The following TRANK1 variants were observed in gnomAD, a reference collection of about 807,000 sequenced individuals.
The protein encoded by TRANK1 is TPR and ankyrin repeat-containing protein 1.
TRANK1 carries 198 observed loss-of-function variants against 266.0 expected under a neutral mutation model. That is an observed-to-expected ratio of 0.74 (90% CI 0.66 to 0.84). The LOEUF is 0.84. Among genes scored for constraint, TRANK1 ranks in the 40% least tolerant of loss-of-function variants. The probability of loss-of-function intolerance (pLI) is 0.00; values close to 1 mark genes in which losing one functional copy is unlikely to be tolerated. For missense variants in TRANK1, 3,326 were observed against 3,634.6 expected, an observed-to-expected ratio of 0.92 and a Z score of 2.18; for synonymous variants, 1,396 against 1,384.1, an observed-to-expected ratio of 1.01 and a Z score of -0.19.
chr3:36,856,174 T>A lies in TRANK1; in HGVS notation c.3548A>T (p.His1183Leu). Residue 1183 changes from histidine to leucine, a missense_variant, in exon 13 of 24, where the codon CAT (histidine) becomes CTT (leucine). His to Leu is a moderately conservative substitution (Grantham distance 99, BLOSUM62 -3). Transcript: ENST00000645898. ...GQAAEVCAPEHPHQLEHLHQI... is the reference protein window; with the variant it reads ...GQAAEVCAPELPHQLEHLHQI... Reference sequence around the variant, plus strand: ...ATGTAAATGCTCCAGCTGGTGGGGATGTTCTGGTGCACATACTTCTGCAGC... The same window carrying A: ...ATGTAAATGCTCCAGCTGGTGGGGAAGTTCTGGTGCACATACTTCTGCAGC... The A allele has an allele frequency of 1.2e-6, 2 of 1,613,964 alleles. No individual in the cohort carries two copies. The highest frequency in any genetic ancestry group is 1.7e-6 in the Non-Finnish European group (2 of 1,179,878).
At chr3:36,943,052 C>T (rs575301660) in intron 1 of TRANK1, among the ~76,000 whole-genome samples, 4 of 151,902 alleles carry the variant, frequency 2.6e-5, no homozygotes, top group African/African-American at 9.7e-5. Flanking sequence ...TTGGTGGCGC[C>T]CCACCCCCGG....
At position 36,856,687 on chromosome 3, in the gene TRANK1, T is replaced by G. The variant is rs760772968; in HGVS notation, c.3035A>C (p.Glu1012Ala). ...AEKGREHVNPEYFPPASAVET... is the reference protein window; with the variant it reads ...AEKGREHVNPAYFPPASAVET... The stretch of plus-strand genomic sequence containing the variant: ...CACTGCACTGGCTGGGGGAAAGTAC[T>G]CAGGATTGACATGCTCCCTGCCCTT... Residue 1012 changes from glutamate to alanine, a missense_variant, in exon 13 of 24, where the codon GAG (glutamate) becomes GCG (alanine). Physicochemically the swap from Glu to Ala is moderately radical, Grantham distance 107. Transcript: ENST00000645898. The G allele has an allele frequency of 8.7e-6, 14 of 1,613,946 alleles. No homozygotes were observed. The highest frequency in any genetic ancestry group is 3.3e-4 in the Middle Eastern group (2 of 6,084).
intron 10 of TRANK1, 147 bp downstream of exon 10, chr3:36,864,172 C>A: frequency 2.2e-6 from 2 of 919,380 alleles, no homozygotes; most frequent in Non-Finnish European, 3.0e-6. Flanking sequence ...GGATTTTACA[C>A]CAAAGAATGC....
At chr3:36,852,368 A>T (rs2078996228) in intron 13 of TRANK1, 23 bp from the exon 14 acceptor site, 1 of 1,532,170 alleles carries the variant, frequency 6.5e-7, no homozygotes, top group African/African-American at 1.4e-5. Context: ...AGAAAACCCA[A>T]GTTGGATAAT....
At chr3:36,842,850 G>C in intron 17 of TRANK1, 140 bp from the exon 18 acceptor site, 1 of 754,048 alleles carries the variant, frequency 1.3e-6, no homozygotes, top group South Asian at 1.7e-5. Flanking sequence ...TCAGAATGTG[G>C]CTGCATTTGG....
chr3:36,931,874 G>T (rs575503703), intron 1 of TRANK1, among the ~76,000 whole-genome samples: 1 of 152,088 alleles, frequency 6.6e-6, no homozygotes, highest in Non-Finnish European at 1.5e-5. Context: ...TGATTGCACC[G>T]CTGCACTGCA....
intron 11 of TRANK1, among the ~76,000 whole-genome samples, chr3:36,859,270 CTT>C (rs1218580414): frequency 1.1e-4 from 16 of 143,224 alleles, no homozygotes; most frequent in African/African-American, 1.8e-4. Context: ...TCCCTTGCTT[CTT>C]TTTTTTTTTT....
chr3:36,857,256 A>C lies in TRANK1; in HGVS notation c.2466T>G (p.Ile822Met). ...TATCGAAGTCCTGGAGGCAGGCCTC[A>C]ATCTCCTGCGTGCTCCAGTCATCCT... ...DDQDDWSTQEIEACLQDFDNM... is the reference protein window; with the variant it reads ...DDQDDWSTQEMEACLQDFDNM... Residue 822 changes from isoleucine (I) to methionine (M), a missense_variant, in exon 13 of 24, where the codon ATT (isoleucine) becomes ATG (methionine). Transcript: ENST00000645898. This position sits in a 1 kb window ranked among gnomAD's most constrained non-coding sequence, Gnocchi z 4.3. 6.2e-7 allele frequency: 1 copy of C among 1,612,224 alleles called. No homozygotes were observed. The highest frequency in any genetic ancestry group is 1.7e-5 in the Admixed American group (1 of 59,902).
chr3:36,881,108 A>G (rs1046556281), intron 8 of TRANK1, among the ~76,000 whole-genome samples: 2 of 151,718 alleles, frequency 1.3e-5, no homozygotes, highest in African/African-American at 4.8e-5. Flanking sequence ...CCTTTAAAAT[A>G]TTTTTTCCAT....
intron 15 of TRANK1, among the ~76,000 whole-genome samples, chr3:36,849,006 G>A (rs575740820): frequency 6.6e-6 from 1 of 152,300 alleles, no homozygotes; most frequent in East Asian, 1.9e-4. Context: ...GGGCCTTTTA[G>A]GAGTGCGCTT....
At position 36,827,930 on chromosome 3, in the gene TRANK1, T is replaced by C. The variant is rs116752620; in HGVS notation, c.*345A>G. 1,708 of 225,398 alleles carry C rather than the reference T, an allele frequency of 7.6e-3. 14 individuals are homozygous for C. Among genetic ancestry groups the C allele is most frequent in the Middle Eastern group, 0.012 (7 of 598 alleles). The allele number at this position is 225,398 out of a possible 1,614,324, so 14.0% of individuals were successfully genotyped here. On this transcript the variant is annotated 3_prime_UTR_variant, in exon 24 of 24. Coordinates refer to ENST00000645898, the MANE Select transcript of TRANK1 (RefSeq NM_001329998.2). ...GAGGAGAGTCTGTCCTAACACCTAG[T>C]CCTCTGCTACCAACTCATGTCATGA...
At chr3:36,838,923 C>A (rs117948108) in intron 18 of TRANK1, among the ~76,000 whole-genome samples, 1 of 152,316 alleles carries the variant, frequency 6.6e-6, no homozygotes, top group East Asian at 1.9e-4. Flanking sequence ...TCAGTGGTAT[C>A]TTTTGGAAGC....
intron 1 of TRANK1, among the ~76,000 whole-genome samples, chr3:36,912,471 G>A (rs543799797): frequency 5.9e-5 from 9 of 152,212 alleles, no homozygotes; most frequent in Non-Finnish European, 1.2e-4. Flanking sequence ...CGTTAATGGT[G>A]TAAAAGCTAC....
chr3:36,899,940 C>T (rs2079850873), intron 3 of TRANK1, among the ~76,000 whole-genome samples: 1 of 152,168 alleles, frequency 6.6e-6, no homozygotes, highest in Non-Finnish European at 1.5e-5. Context: ...CTCACTGCTA[C>T]CCTCTAACTC....
chr3:36,914,178 G>A (rs1416066641), intron 1 of TRANK1, among the ~76,000 whole-genome samples: 1 of 151,650 alleles, frequency 6.6e-6, no homozygotes, highest in Admixed American at 6.6e-5. Flanking sequence ...CTGTCGCCCA[G>A]GCTGGAGTGC....
At position 36,851,718 on chromosome 3, in the gene TRANK1, C is replaced by A. The variant is rs2078986308; in HGVS notation, c.4887+1G>T. The A allele has an allele frequency of 6.2e-7, 1 of 1,610,072 alleles. No individual in the cohort carries two copies. The highest frequency in any genetic ancestry group is 8.5e-7 in the Non-Finnish European group (1 of 1,178,834). ...TGTGAAAAGAATTAGGTGTGACATA[C>A]CTCAGAATCAGTAAAAAAGTTGTAA... On this transcript the variant is annotated splice_donor_variant, in intron 15 of 23. Transcript: ENST00000645898. LOFTEE classifies it high-confidence loss of function.
At chr3:36,926,679 C>G (rs1043507891) in intron 1 of TRANK1, among the ~76,000 whole-genome samples, 2 of 152,198 alleles carry the variant, frequency 1.3e-5, no homozygotes, top group Non-Finnish European at 2.9e-5. Flanking sequence ...AACAACAACT[C>G]TAACGAGTTC....
At chr3:36,893,664 C>G (rs1391755124) in intron 5 of TRANK1, among the ~76,000 whole-genome samples, 1 of 152,178 alleles carries the variant, frequency 6.6e-6, no homozygotes, top group Non-Finnish European at 1.5e-5. Context: ...AGAAGTTAAG[C>G]CAGTTTTCAC....
chr3:36,928,139 A>G (rs114815134), intron 1 of TRANK1, among the ~76,000 whole-genome samples: 226 of 152,302 alleles, frequency 1.5e-3, no homozygotes, highest in African/African-American at 5.2e-3. Context: ...CATTAATTTT[A>G]AGTTTCTATC....
Sources: gnomAD v4.1 joint callset for allele counts (sites outside exome capture counted in the v4.1 genomes callset) on GRCh38, gnomAD v4.1.1 for gene constraint, Gnocchi (gnomAD v3.1) non-coding constraint, MANE v1.5 for transcripts, NCBI Gene and HGNC (gene_info 2026-07-23, HGNC 2026-07-21) for gene names.